The following EIF4A3 variants were observed in gnomAD, a reference collection of about 807,000 sequenced individuals.
The protein encoded by EIF4A3 is eukaryotic initiation factor 4A-III.
A neutral mutation model predicts 55.6 loss-of-function variants in EIF4A3; 1 was observed. The observed-to-expected ratio is 0.02, with a 90% CI of 0.01 to 0.09. The LOEUF is 0.09. Among genes scored for constraint, EIF4A3 ranks in the 10% least tolerant of loss-of-function variants. EIF4A3 has a pLI of 1.00. For missense variants in EIF4A3, 221 were observed against 540.7 expected (o/e 0.41, Z 5.86); for synonymous variants, 194 against 196.3 (o/e 0.99, Z 0.10).
At chr17:80,138,772 T>G in intron 7 of EIF4A3, 1 of 456,164 alleles carries the variant, frequency 2.2e-6, no homozygotes. Flanking sequence ...AATTTTTTAT[T>G]ATTGGTAGAG....
At chr17:80,135,690 G>A in intron 11 of EIF4A3, 184 bp from the exon 12 acceptor site, 1 of 628,816 alleles carries the variant, frequency 1.6e-6, no homozygotes. Flanking sequence ...GAGGCCAGGA[G>A]TTCGAGACCA....
In EIF4A3 at chr17:80,138,125, T is replaced by C. The variant is rs762283395; in HGVS notation, c.867+17A>G. The C allele has an allele frequency of 3.7e-6, 6 of 1,610,640 alleles. No homozygotes were observed. Among genetic ancestry groups the C allele is most frequent in the East Asian group, 2.2e-5 (1 of 44,804 alleles). ...CAGTTTCCCTTCAGCACATGGATGC[T>C]GTGCAGTGCCTCTTACCTTTCTTTT... On this transcript the variant is annotated intron_variant, in intron 8 of 11. Coordinates refer to ENST00000649764, the MANE Select transcript of EIF4A3 (RefSeq NM_014740.4).
intron 2 of EIF4A3, among the ~76,000 whole-genome samples, chr17:80,142,149 T>G (rs2143996770): frequency 6.6e-6 from 1 of 152,344 alleles, no homozygotes; most frequent in Non-Finnish European, 1.5e-5. Flanking sequence ...TAAATACAAC[T>G]CTTTTCCTTC....
chr17:80,143,000 G>C (rs2039630217), intron 2 of EIF4A3, among the ~76,000 whole-genome samples: 1 of 152,116 alleles, frequency 6.6e-6, no homozygotes, highest in Admixed American at 6.5e-5. Flanking sequence ...ACTCCAGTCT[G>C]GGAGACAGAG....
rs2039675137 is a variant in EIF4A3, at chr17:80,147,085, CTGTG to C, written c.-128_-125del. 7.5e-7 allele frequency: 1 copy of C among 1,330,524 alleles called. No homozygotes were observed. Among genetic ancestry groups the C allele is most frequent in the African/African-American group, 1.7e-5 (1 of 57,230 alleles). 82.4% of individuals were successfully genotyped at this position (1,330,524 alleles called of 1,614,324 possible). A position where few individuals can be genotyped will look rare whatever the true frequency, so the allele number is the denominator to read the frequency against. On this transcript the variant is annotated 5_prime_UTR_variant, in exon 1 of 12. Coordinates refer to ENST00000649764, the MANE Select transcript of EIF4A3 (RefSeq NM_014740.4). ...CCTCGCTGTGCCGCTGCCGACCTCG[CTGTG>C]CCGCTGCCGACCTCGCTGTGCCGCT...
chr17:80,143,293 A>AT (rs1368652235), intron 2 of EIF4A3, among the ~76,000 whole-genome samples: 1 of 152,156 alleles, frequency 6.6e-6, no homozygotes, highest in East Asian at 1.9e-4. Flanking sequence ...ACCCTTTATA[A>AT]TAAACCACTA....
intron 10 of EIF4A3, 42 bp downstream of exon 10, chr17:80,136,186 A>C (rs777987559): frequency 6.2e-7 from 1 of 1,613,298 alleles, no homozygotes; most frequent in South Asian, 1.1e-5. Flanking sequence ...AGATTTAGTA[A>C]ATGTGTCACA....
Position 80,139,357 on chromosome 17 carries a change from T to G in EIF4A3, c.587-195A>C, listed in dbSNP as rs915161033. 6 of 732,246 alleles carry G rather than the reference T, an allele frequency of 8.2e-6. No individual in the cohort carries two copies. In the Admixed American group the frequency reaches 1.9e-4, roughly 23 times the overall value. The allele number at this position is 732,246 out of a possible 1,614,324, so 45.4% of individuals were successfully genotyped here. On this transcript the variant is annotated intron_variant, in intron 6 of 11. Transcript: ENST00000649764. ...CTACTCCCCGCCCACCGGAGTGTTATCTGGTTGAGGGAATCTGGTTTCCCT... is the reference window on the plus strand; with the variant it reads ...CTACTCCCCGCCCACCGGAGTGTTAGCTGGTTGAGGGAATCTGGTTTCCCT...
chr17:80,142,060 C>T (rs1474139538), intron 2 of EIF4A3, among the ~76,000 whole-genome samples: 2 of 152,140 alleles, frequency 1.3e-5, no homozygotes, highest in East Asian at 1.9e-4. Context: ...GGCTTCTGCA[C>T]GGGGGCAATG....
chr17:80,138,518 A>G, intron 7 of EIF4A3: 1 of 472,030 alleles, frequency 2.1e-6, no homozygotes, highest in Non-Finnish European at 3.7e-6. Flanking sequence ...TTCTAAACGA[A>G]ACACTGATAA....
intron 4 of EIF4A3, 129 bp downstream of exon 4, chr17:80,141,190 T>C: frequency 1.1e-6 from 1 of 946,766 alleles, no homozygotes; most frequent in South Asian, 1.9e-5. Context: ...AATGGCAAAA[T>C]GTTAATCAGG....
Position 80,135,183 on chromosome 17 carries a change from A to G in EIF4A3, c.*307T>C. ...AAAAGAAAAAGAAAAGAAAAAAAGAAAAGTGAGTGAAATGACCCAAGACTA... is the reference window on the plus strand; with the variant it reads ...AAAAGAAAAAGAAAAGAAAAAAAGAGAAGTGAGTGAAATGACCCAAGACTA... On this transcript the variant is annotated 3_prime_UTR_variant, in exon 12 of 12. Transcript: ENST00000649764. The G allele has an allele frequency of 3.2e-6, 1 of 312,216 alleles. No individual in the cohort carries two copies. Among genetic ancestry groups the G allele is most frequent in the Non-Finnish European group, 5.8e-6 (1 of 171,914 alleles). The allele number at this position is 312,216 out of a possible 1,614,324, so 19.3% of individuals were successfully genotyped here.
At chr17:80,142,427 T>C (rs912361665) in intron 2 of EIF4A3, among the ~76,000 whole-genome samples, 2 of 152,100 alleles carry the variant, frequency 1.3e-5, no homozygotes, top group Non-Finnish European at 2.9e-5. Context: ...GCTCTAATCT[T>C]CCCTGCCTTT....
At position 80,146,926 on chromosome 17, in the gene EIF4A3, C is replaced by T. The variant is rs1314468816; in HGVS notation, c.36G>A (p.Ser12=). The T allele has an allele frequency of 6.2e-7, 1 of 1,609,214 alleles. No homozygotes were observed. The highest frequency in any genetic ancestry group is 1.1e-5 in the South Asian group (1 of 90,858). The change falls in exon 1 of 12, where the codon TCG becomes TCA. Residue 12 remains serine, a synonymous_variant. Coordinates refer to ENST00000649764, the MANE Select transcript of EIF4A3 (RefSeq NM_014740.4). Reference sequence around the variant, plus strand: ...CCTCTTTGAGCAGCCGCTTTCGCGCCGAGCCCGAGGTCGCCATCGTGGCCG... The same window carrying T: ...CCTCTTTGAGCAGCCGCTTTCGCGCTGAGCCCGAGGTCGCCATCGTGGCCG... ...ATTATMATSG[S]ARKRLLKEED...
chr17:80,140,173 GGAGA>G (rs749722477), intron 4 of EIF4A3, 33 bp from the exon 5 acceptor site: 6 of 1,507,660 alleles, frequency 4.0e-6, no homozygotes, highest in Admixed American at 2.2e-5. Context: ...GTCCAGGGTG[GGAGA>G]GAGAAACATC....
chr17:80,139,508 G>C, intron 6 of EIF4A3, 162 bp downstream of exon 6: 1 of 689,454 alleles, frequency 1.5e-6, no homozygotes, highest in East Asian at 2.8e-5. Context: ...ATAAAATCAA[G>C]GTAGGAATTT....
chr17:80,137,136 GAC>G (rs2039577576), intron 9 of EIF4A3: 2 of 352,730 alleles, frequency 5.7e-6, no homozygotes, highest in African/African-American at 2.1e-5. Flanking sequence ...TGGAAAAGAA[GAC>G]ACACGCTTGT....
intron 1 of EIF4A3, among the ~76,000 whole-genome samples, chr17:80,146,391 C>T (rs569940223): frequency 2.6e-4 from 39 of 152,332 alleles, no homozygotes; most frequent in African/African-American, 9.1e-4. Context: ...GTTGCCTGGG[C>T]AACCTGACAG....
At chr17:80,139,956 A>T in intron 5 of EIF4A3, 52 bp downstream of exon 5, 2 of 1,589,518 alleles carry the variant, frequency 1.3e-6, no homozygotes, top group South Asian at 2.3e-5. Context: ...CCATTTAAGC[A>T]CTTCTTACAA....
Sources: allele counts gnomAD v4.1 joint callset (sites outside exome capture counted in the v4.1 genomes callset), GRCh38; gene constraint gnomAD v4.1.1; transcripts MANE v1.5; gene names NCBI Gene and HGNC (gene_info 2026-07-23, HGNC 2026-07-21).